The following EMP1 variants were observed in gnomAD, a reference collection of about 807,000 sequenced individuals.
EMP1 encodes the protein tumor-associated membrane protein.
In EMP1, 5 loss-of-function variants were observed where a neutral mutation model predicts 15.7. The ratio of observed to expected loss-of-function variants is 0.32; its 90% CI spans 0.17 to 0.67. The LOEUF is 0.67. Among genes scored for constraint, EMP1 ranks in the 30% least tolerant of loss-of-function variants. EMP1 has a pLI of 0.74. For missense variants in EMP1, 166 were observed against 194.2 expected (o/e 0.85, Z 0.86); for synonymous variants, 78 against 76.7 (o/e 1.02, Z -0.09).
rs3191064 is a variant in EMP1 at position 13,216,640 on chromosome 12, A to G, written c.*1949A>G. 0.12 allele frequency: 70,826 copies of G among 599,372 alleles called. 5,114 individuals are homozygous for G. Among genetic ancestry groups the G allele is most frequent in the African/African-American group, 0.22 (11,916 of 53,738 alleles). 37.1% of individuals were successfully genotyped at this position (599,372 alleles called of 1,614,324 possible). Reference sequence around the variant, plus strand: ...GACATTTATGTCTCATGTAATTTGCATTACTCTGGTGGATTGTTCTAGTAC... The same window carrying G: ...GACATTTATGTCTCATGTAATTTGCGTTACTCTGGTGGATTGTTCTAGTAC... On this transcript the variant is annotated 3_prime_UTR_variant, in exon 5 of 5. Transcript: ENST00000256951.
At chr12:13,206,548 G>A (rs191710883) in intron 1 of EMP1, among the ~76,000 whole-genome samples, 115 of 152,258 alleles carry the variant, frequency 7.6e-4, no homozygotes, top group Admixed American at 2.9e-3. Context: ...CTGGGGAAGT[G>A]GGTTTTTGGT....
At chr12:13,213,281 GTCTCTTC>G in intron 2 of EMP1, 191 bp from the exon 3 acceptor site, 1 of 601,308 alleles carries the variant, frequency 1.7e-6, no homozygotes, top group East Asian at 2.8e-5. Context: ...ATTCTTCTGT[GTCTCTTC>G]TCTTGGCAAC....
At chr12:13,204,541 C>T (rs1042785195) in intron 1 of EMP1, among the ~76,000 whole-genome samples, 1 of 152,176 alleles carries the variant, frequency 6.6e-6, no homozygotes, top group Admixed American at 6.5e-5. Flanking sequence ...CAAAATGCTC[C>T]CGACTTGCGC....
chr12:13,208,426 A>G (rs1755592555), intron 1 of EMP1, among the ~76,000 whole-genome samples: 1 of 152,224 alleles, frequency 6.6e-6, no homozygotes, highest in Non-Finnish European at 1.5e-5. Flanking sequence ...GGAGGTATCT[A>G]GCACAGTGTA....
intron 1 of EMP1, chr12:13,209,601 G>C (rs1188250484): frequency 6.6e-6 from 1 of 152,168 alleles, no homozygotes; most frequent in Non-Finnish European, 1.5e-5. Flanking sequence ...CCATGTGTCA[G>C]ACACTAGGTG....
At chr12:13,210,853 G>A (rs1311470438) in intron 1 of EMP1, among the ~76,000 whole-genome samples, 6 of 152,180 alleles carry the variant, frequency 3.9e-5, no homozygotes, top group Admixed American at 3.9e-4. Context: ...CTGTAATTAG[G>A]TTGTTATAAT....
Position 13,209,890 on chromosome 12 carries a change from AG to A in EMP1, c.-42-1577del, listed in dbSNP as rs1864149401. 3.9e-5 allele frequency among the ~76,000 whole-genome samples: 6 copies of A among 152,206 alleles called. No individual in the cohort carries two copies. The South Asian group carries it at 1.2e-3, about 32-fold the overall frequency. ...GCTCCAACCTCTCCCCTGAAGAGGC[AG>A]GATAAACGTCATAATTTTTGCATTC... On this transcript the variant is annotated intron_variant, in intron 1 of 4. Transcript: ENST00000256951.
In EMP1 at chr12:13,213,734, A is replaced by G. The variant is rs370911293; in HGVS notation, c.229A>G (p.Ile77Val). 8.7e-6 allele frequency: 14 copies of G among 1,613,954 alleles called. No individual in the cohort carries two copies. The highest frequency in any genetic ancestry group is 8.0e-5 in the African/African-American group (6 of 74,866). The change falls in exon 4 of 5, where the codon ATT becomes GTT. Residue 77 changes from isoleucine (I) to valine (V), a missense_variant. Ile to Val is a conservative substitution (Grantham distance 29). Transcript: ENST00000256951. ...GATTCTCTCTATCATCTTCTGTGTC[A>G]TTGCCCTCCTGGTCTTCGTGTTCCA... Reference protein sequence around the residue: ...FMILSIIFCVIALLVFVFQLF... With the variant: ...FMILSIIFCVVALLVFVFQLF...
At chr12:13,200,511 C>G (rs539226178) in intron 1 of EMP1, among the ~76,000 whole-genome samples, 1 of 152,182 alleles carries the variant, frequency 6.6e-6, no homozygotes, top group Non-Finnish European at 1.5e-5. Context: ...CCCAGGTGAT[C>G]TTGAATTTCT....
Position 13,219,199 on chromosome 12 carries a change from A to G in EMP1, c.*4508A>G, listed in dbSNP as rs900502140. 4 of 152,244 alleles carry G rather than the reference A, an allele frequency of 2.6e-5. No homozygotes were observed. The highest frequency in any genetic ancestry group is 4.8e-5 in the African/African-American group (2 of 41,418). The allele number at this position is 152,244 out of a possible 1,614,324, so 9.4% of individuals were successfully genotyped here. A position where few individuals can be genotyped will look rare whatever the true frequency, so the allele number is the denominator to read the frequency against. On this transcript the variant is annotated 3_prime_UTR_variant, in exon 5 of 5. Coordinates refer to ENST00000256951, the MANE Select transcript of EMP1 (RefSeq NM_001423.3). ...ATGGGCGTTGATGGATGCTTCTATCACTGTCGGGGCAGGGAGGGCCAGAAC... is the reference window on the plus strand; with the variant it reads ...ATGGGCGTTGATGGATGCTTCTATCGCTGTCGGGGCAGGGAGGGCCAGAAC...
intron 1 of EMP1, among the ~76,000 whole-genome samples, chr12:13,204,606 A>G (rs1301110620): frequency 1.3e-5 from 2 of 152,208 alleles, no homozygotes; most frequent in Admixed American, 6.5e-5. Context: ...AAGGAGAGGC[A>G]GCTGCGGAGT....
chr12:13,200,489 T>C (rs1487043064), intron 1 of EMP1, among the ~76,000 whole-genome samples: 1 of 152,184 alleles, frequency 6.6e-6, no homozygotes, highest in Non-Finnish European at 1.5e-5. Context: ...TCTAATACTC[T>C]TCCCAGATCC....
intron 2 of EMP1, 200 bp from the exon 3 acceptor site, chr12:13,213,279 G>A (rs2121161762): frequency 1.7e-6 from 1 of 598,420 alleles, no homozygotes; most frequent in Non-Finnish European, 3.0e-6. Context: ...ACATTCTTCT[G>A]TGTCTCTTCT....
chr12:13,213,682 T>G lies in EMP1; in HGVS notation c.177T>G (p.Asp59Glu), dbSNP rs1434400662. ...CSDSLSYASE[D>E]ALKTVQAFMI... Reference sequence around the variant, plus strand: ...GTTCTCCTCGTCCTGTGTCTACAGATGCCCTCAAGACAGTGCAGGCCTTCA... The same window carrying G: ...GTTCTCCTCGTCCTGTGTCTACAGAGGCCCTCAAGACAGTGCAGGCCTTCA... The change falls in exon 4 of 5, where the codon GAT becomes GAG. Residue 59 changes from aspartate (D) to glutamate (E), a missense_variant and splice_region_variant. By Grantham distance (45) the Asp-to-Glu change is conservative. Coordinates refer to ENST00000256951, the MANE Select transcript of EMP1 (RefSeq NM_001423.3). The G allele has an allele frequency of 6.2e-7, 1 of 1,613,982 alleles. No homozygotes were observed. Among genetic ancestry groups the G allele is most frequent in the Admixed American group, 1.7e-5 (1 of 60,004 alleles).
At position 13,217,272 on chromosome 12, in the gene EMP1, T is replaced by C. The variant is rs926506195; in HGVS notation, c.*2581T>C. Reference sequence around the variant, plus strand: ...TGAGCAGTAAGGACTGGTATCTTTCTGTGAGCAATAAGGACTGGATAAAGA... The same window carrying C: ...TGAGCAGTAAGGACTGGTATCTTTCCGTGAGCAATAAGGACTGGATAAAGA... On this transcript the variant is annotated 3_prime_UTR_variant, in exon 5 of 5. Transcript: ENST00000256951. The C allele has an allele frequency of 6.6e-6, 1 of 152,248 alleles. No individual in the cohort carries two copies. Among genetic ancestry groups the C allele is most frequent in the African/African-American group, 2.4e-5 (1 of 41,456 alleles). The allele number at this position is 152,248 out of a possible 1,614,324, so 9.4% of individuals were successfully genotyped here.
At chr12:13,206,789 C>G (rs570020827) in intron 1 of EMP1, among the ~76,000 whole-genome samples, 1 of 152,168 alleles carries the variant, frequency 6.6e-6, no homozygotes, top group African/African-American at 2.4e-5. Context: ...TAGTTACCCA[C>G]CAGAAAAGGA....
rs3812819 is a variant in EMP1, at chr12:13,218,948, T to C, written c.*4257T>C. 0.5 allele frequency: 75,397 copies of C among 151,962 alleles called. 18,973 individuals are homozygous for C. Among genetic ancestry groups the C allele is most frequent in the East Asian group, 0.59 (3,066 of 5,154 alleles). The allele number at this position is 151,962 out of a possible 1,614,324, so 9.4% of individuals were successfully genotyped here. On this transcript the variant is annotated 3_prime_UTR_variant, in exon 5 of 5. Transcript: ENST00000256951. ...AAGAAAGATTTTCAGTTCTTCAGCT[T>C]TTCCTCATGACCCTATCTCATGCCA... is the stretch of plus-strand genomic sequence containing the variant.
chr12:13,208,935 G>A (rs954032849), intron 1 of EMP1, among the ~76,000 whole-genome samples: 2 of 152,148 alleles, frequency 1.3e-5, no homozygotes, highest in African/African-American at 4.8e-5. Context: ...GACAGAGAGT[G>A]TGAGCTGGGC....
intron 1 of EMP1, among the ~76,000 whole-genome samples, chr12:13,198,832 C>A (rs1227666546): frequency 6.6e-6 from 1 of 152,178 alleles, no homozygotes; most frequent in Non-Finnish European, 1.5e-5. Flanking sequence ...TAGAAAAATA[C>A]CGTTCTGATT....
Sources: gnomAD v4.1 joint callset for allele counts (sites outside exome capture counted in the v4.1 genomes callset) on GRCh38, gnomAD v4.1.1 for gene constraint, MANE v1.5 for transcripts, NCBI Gene and HGNC (gene_info 2026-07-23, HGNC 2026-07-21) for gene names.